The following KCNH5 variants were observed in gnomAD, a reference collection of about 807,000 sequenced individuals.
KCNH5 encodes the protein potassium voltage-gated channel subfamily H member 5.
KCNH5 carries 46 observed loss-of-function variants against 96.1 expected under a neutral mutation model. That is an observed-to-expected ratio of 0.48 (90% CI 0.38 to 0.61). The LOEUF (loss-of-function observed/expected upper bound fraction) is 0.61, where lower values mean the gene tolerates loss of function less well. Among genes scored for constraint, KCNH5 ranks in the 20% least tolerant of loss-of-function variants. The probability of loss-of-function intolerance (pLI) is 0.00; values close to 1 mark genes in which losing one functional copy is unlikely to be tolerated. For synonymous variants in KCNH5, 439 were observed against 449.8 expected, an observed-to-expected ratio of 0.98 and a Z score of 0.30; for missense variants, 907 against 1,225.8, an observed-to-expected ratio of 0.74 and a Z score of 3.88.
intron 7 of KCNH5, among the ~76,000 whole-genome samples, chr14:62,931,049 T>C (rs1889571633): frequency 1.3e-5 from 2 of 152,110 alleles, no homozygotes; most frequent in Admixed American, 1.3e-4. Context: ...GCTTCAGGAA[T>C]GATGTAGTAT....
intron 7 of KCNH5, among the ~76,000 whole-genome samples, chr14:62,882,130 TG>T (rs113088718): frequency 0.15 from 16,813 of 111,224 alleles, 1,836 homozygotes; most frequent in East Asian, 0.26. Flanking sequence ...AAAAAAAAGC[TG>T]GGGCATGGTG....
intron 1 of KCNH5, among the ~76,000 whole-genome samples, chr14:63,035,253 C>A (rs1468863570): frequency 6.6e-6 from 1 of 152,104 alleles, no homozygotes; most frequent in Non-Finnish European, 1.5e-5. Context: ...TATATATTTT[C>A]TTTGAAGTTA....
chr14:62,961,114 T>G (rs1890197441), intron 6 of KCNH5, among the ~76,000 whole-genome samples: 1 of 152,092 alleles, frequency 6.6e-6, no homozygotes, highest in South Asian at 2.1e-4. Flanking sequence ...CCAAACATTA[T>G]GATATGTGTA....
chr14:62,909,710 C>G (rs1595680289), intron 7 of KCNH5, among the ~76,000 whole-genome samples: 1 of 151,932 alleles, frequency 6.6e-6, no homozygotes, highest in African/African-American at 2.4e-5. Context: ...CTTTGCTCAC[C>G]CGCCACCCAC....
rs534203312 is a variant in KCNH5, at chr14:63,005,980, G to A, written c.304+386C>T. On this transcript the variant is annotated intron_variant, in intron 3 of 10. Coordinates refer to ENST00000322893, the MANE Select transcript of KCNH5 (RefSeq NM_139318.5). ...TATTCACATTGCCTATGTTCGTGTC[G>A]AAAGGTAATTGCATATATCCAGTGT... Among the ~76,000 whole-genome samples the A allele has an allele frequency of 5.3e-5, 8 of 152,272 alleles. No individual in the cohort carries two copies. The South Asian group carries it at 1.2e-3, about 24-fold the overall frequency.
In KCNH5 at chr14:62,765,617, G is replaced by A. The variant is rs1595612555; in HGVS notation, c.2019+14111C>T. 2.0e-5 allele frequency among the ~76,000 whole-genome samples: 3 copies of A among 152,146 alleles called. No individual in the cohort carries two copies. The East Asian group carries it at 5.8e-4, about 29-fold the overall frequency. ...ATGAGAGAAAAGTTTTAAAACCTGT[G>A]AACCTGATGAAAGACTAATATCCAG... is the stretch of plus-strand genomic sequence containing the variant. On this transcript the variant is annotated intron_variant, in intron 10 of 10. Coordinates refer to ENST00000322893, the MANE Select transcript of KCNH5 (RefSeq NM_139318.5).
chr14:62,753,870 G>A (rs1203037919), intron 10 of KCNH5, among the ~76,000 whole-genome samples: 1 of 152,070 alleles, frequency 6.6e-6, no homozygotes, highest in Admixed American at 6.5e-5. Context: ...GAAAGAATAG[G>A]ACATTAATGA....
In KCNH5 at chr14:63,026,894, T is replaced by C. The variant is rs115390818; in HGVS notation, c.74-9940A>G. 4.1e-3 allele frequency among the ~76,000 whole-genome samples: 617 copies of C among 152,214 alleles called. 4 individuals are homozygous for C. The highest frequency in any genetic ancestry group is 0.013 in the African/African-American group (561 of 41,568). ...ATTAAATCAGCATGTCAAAGAGCTA[T>C]CTGCATGCTCATGGTTATTGCTCCA... On this transcript the variant is annotated intron_variant, in intron 1 of 10. Coordinates refer to ENST00000322893, the MANE Select transcript of KCNH5 (RefSeq NM_139318.5).
rs1884344383 is a variant in KCNH5 at position 62,701,289 on chromosome 14, G to A, written c.*6219C>T. ...CAAAGGTTTTTGTTAAAACCTTAATGACAATGTGTCATCTTAAAAACAAAT... is the reference window on the plus strand; with the variant it reads ...CAAAGGTTTTTGTTAAAACCTTAATAACAATGTGTCATCTTAAAAACAAAT... On this transcript the variant is annotated 3_prime_UTR_variant, in exon 11 of 11. Transcript: ENST00000322893. 6.6e-6 allele frequency: 1 copy of A among 152,128 alleles called. No individual in the cohort carries two copies. Among genetic ancestry groups the A allele is most frequent in the Admixed American group, 6.5e-5 (1 of 15,274 alleles). 9.4% of individuals were successfully genotyped at this position (152,128 alleles called of 1,614,324 possible).
intron 4 of KCNH5, among the ~76,000 whole-genome samples, chr14:62,992,418 G>T (rs1315768681): frequency 6.6e-6 from 1 of 151,990 alleles, no homozygotes; most frequent in Non-Finnish European, 1.5e-5. Context: ...TTCCATTGAG[G>T]TTGTACTAAC....
At chr14:62,831,379 G>A (rs1566675104) in intron 8 of KCNH5, among the ~76,000 whole-genome samples, 4 of 152,132 alleles carry the variant, frequency 2.6e-5, no homozygotes. Flanking sequence ...TGTAAATTTA[G>A]AGAAAAGATT....
chr14:62,897,217 C>T (rs2144775), intron 7 of KCNH5, among the ~76,000 whole-genome samples: 95,023 of 151,974 alleles, frequency 0.63, 30,388 homozygotes, highest in South Asian at 0.75. Context: ...TGCATGAGTC[C>T]CTTGAGCAAG....
chr14:62,733,338 C>T (rs192638914), intron 10 of KCNH5, among the ~76,000 whole-genome samples: 25 of 152,102 alleles, frequency 1.6e-4, no homozygotes, highest in Non-Finnish European at 2.9e-4. Flanking sequence ...TGAAGAGACA[C>T]GAGAGAGATT....
chr14:62,772,750 A>G (rs949493105), intron 10 of KCNH5, among the ~76,000 whole-genome samples: 2 of 152,152 alleles, frequency 1.3e-5, no homozygotes, highest in Admixed American at 1.3e-4. Context: ...AGAGTATATC[A>G]GAATGCAGTA....
chr14:62,901,075 G>A (rs112072564), intron 7 of KCNH5, among the ~76,000 whole-genome samples: 5 of 151,958 alleles, frequency 3.3e-5, no homozygotes, highest in South Asian at 4.2e-4. Context: ...TACAACCTCC[G>A]CCTCCCCGGT....
chr14:62,867,436 T>C (rs1888156289), intron 7 of KCNH5, among the ~76,000 whole-genome samples: 1 of 152,168 alleles, frequency 6.6e-6, no homozygotes, highest in Admixed American at 6.5e-5. Context: ...TCTTATACAC[T>C]ATGCAGTTTT....
chr14:62,900,961 T>C (rs1888913164), intron 7 of KCNH5, among the ~76,000 whole-genome samples: 1 of 152,122 alleles, frequency 6.6e-6, no homozygotes, highest in Non-Finnish European at 1.5e-5. Flanking sequence ...CAGGATAGTA[T>C]ACATGAAATG....
chr14:62,984,631 G>A (rs1033319047), intron 5 of KCNH5, among the ~76,000 whole-genome samples: 5 of 151,914 alleles, frequency 3.3e-5, no homozygotes, highest in East Asian at 1.9e-4. Flanking sequence ...AATGTCTATC[G>A]ACAATCTTGT....
At chr14:62,896,067 A>C (rs1417679394) in intron 7 of KCNH5, among the ~76,000 whole-genome samples, 1 of 152,226 alleles carries the variant, frequency 6.6e-6, no homozygotes, top group African/African-American at 2.4e-5. Context: ...TTTTCAACCC[A>C]ATAGTCCATA....
Sources: allele counts gnomAD v4.1 joint callset (sites outside exome capture counted in the v4.1 genomes callset), GRCh38; gene constraint gnomAD v4.1.1; transcripts MANE v1.5; gene names NCBI Gene and HGNC (gene_info 2026-07-23, HGNC 2026-07-21).